SORCS2: variants seen among roughly 807,000 people sequenced by gnomAD.
SORCS2 encodes the protein sortilin related VPS10 domain containing receptor 2, also known as VPS10 domain-containing receptor SorCS2.
Under a neutral mutation model 141.6 loss-of-function variants are expected in SORCS2, and 100 were observed. The ratio of observed to expected loss-of-function variants is 0.71; its 90% CI spans 0.60 to 0.83. The LOEUF (loss-of-function observed/expected upper bound fraction) is 0.83. Among genes scored for constraint, SORCS2 ranks in the 40% least tolerant of loss-of-function variants. SORCS2 has a pLI of 0.00. For missense variants in SORCS2, 1,646 were observed against 1,560.2 expected, an observed-to-expected ratio of 1.05 and a Z score of -0.93; for synonymous variants, 789 against 676.9, an observed-to-expected ratio of 1.17 and a Z score of -2.57.
chr4:7,429,693 G>A (rs867192612), intron 2 of SORCS2, among the ~76,000 whole-genome samples: 1 of 152,198 alleles, frequency 6.6e-6, no homozygotes, highest in Non-Finnish European at 1.5e-5. Flanking sequence ...CCAGGTTAGG[G>A]ATGAGGACCC....
At chr4:7,312,492 C>T (rs1041779434) in intron 1 of SORCS2, among the ~76,000 whole-genome samples, 2 of 152,044 alleles carry the variant, frequency 1.3e-5, no homozygotes, top group Non-Finnish European at 2.9e-5. Flanking sequence ...ATCCTGGCTC[C>T]CCCTTCTCTA....
At chr4:7,328,516 C>G (rs28594605) in intron 1 of SORCS2, among the ~76,000 whole-genome samples, 8,743 of 152,160 alleles carry the variant, frequency 0.057, 443 homozygotes, top group African/African-American at 0.14. Context: ...TTAGTGAGGG[C>G]TCCTTGAGGG....
At chr4:7,261,415 C>G (rs139764253) in intron 1 of SORCS2, among the ~76,000 whole-genome samples, 153 of 152,312 alleles carry the variant, frequency 1.0e-3, no homozygotes, top group Non-Finnish European at 1.8e-3. Context: ...GTTTGTCTGC[C>G]ATGCCTGCGT....
At chr4:7,689,443 C>T in intron 10 of SORCS2, 43 bp from the exon 11 acceptor site, 2 of 1,537,128 alleles carry the variant, frequency 1.3e-6, no homozygotes, top group South Asian at 1.2e-5. Flanking sequence ...TAAGGATGCT[C>T]CTACTCATGT....
chr4:7,202,388 G>A (rs760099460), intron 1 of SORCS2, among the ~76,000 whole-genome samples: 1 of 152,074 alleles, frequency 6.6e-6, no homozygotes, highest in Non-Finnish European at 1.5e-5. Context: ...AAACTCCAGT[G>A]TCCTTTTGAG....
Position 7,638,471 on chromosome 4 carries a change from C to T in SORCS2, c.792C>T (p.Leu264=), listed in dbSNP as rs150055977. The T allele has an allele frequency of 6.1e-4, 989 of 1,609,058 alleles. 7 individuals are homozygous for T. In the African/African-American group the frequency reaches 0.012, roughly 20 times the overall value. The part of the protein sequence containing the change: ...IFHPKEEDKV[L]AYTKESKLYV... ...ACCCTAAGGAGGAGGACAAGGTCCT[C>T]GCCTACACAAAGGAGAGCAAGGTAA... is the stretch of plus-strand genomic sequence containing the variant. Residue 264 remains leucine, a synonymous_variant, in exon 4 of 27, where the codon CTC becomes CTT. Transcript: ENST00000507866.
At chr4:7,508,491 C>A (rs1198457984) in intron 2 of SORCS2, among the ~76,000 whole-genome samples, 1 of 151,764 alleles carries the variant, frequency 6.6e-6, no homozygotes, top group Non-Finnish European at 1.5e-5. Context: ...GCTGGGACTA[C>A]TGGCATCCGC....
At chr4:7,678,589 C>T (rs1417559166) in intron 9 of SORCS2, among the ~76,000 whole-genome samples, 1 of 149,548 alleles carries the variant, frequency 6.7e-6, no homozygotes, top group Non-Finnish European at 1.5e-5. Context: ...CTGGAAGAGG[C>T]TGAGCAGGAG....
chr4:7,325,345 G>A (rs550416308), intron 1 of SORCS2, among the ~76,000 whole-genome samples: 2 of 152,310 alleles, frequency 1.3e-5, no homozygotes, highest in African/African-American at 2.4e-5. Flanking sequence ...TAAATTAAAT[G>A]TTGGCAAAAA....
chr4:7,619,808 G>A (rs1389529189), intron 3 of SORCS2, among the ~76,000 whole-genome samples: 2 of 152,160 alleles, frequency 1.3e-5, no homozygotes, highest in Admixed American at 6.5e-5. Flanking sequence ...GGGAAGGGAC[G>A]GCCTTTAGGA....
chr4:7,724,917 G>T lies in SORCS2; in HGVS notation c.2612-237G>T, dbSNP rs1432922025. 6.5e-3 allele frequency among the ~76,000 whole-genome samples: 224 copies of T among 34,276 alleles called. 24 individuals carry two copies. The highest frequency in any genetic ancestry group is 0.017 in the East Asian group (16 of 964). 22.5% of individuals were successfully genotyped at this position (34,276 alleles called of 152,430 possible). A position where few individuals can be genotyped will look rare whatever the true frequency, so the allele number is the denominator to read the frequency against. On this transcript the variant is annotated intron_variant, in intron 19 of 26. Transcript: ENST00000507866. ...GTGATGGTGGTGATAGTATTGGTGGGAATGGATGGTGGTAGTAGTGGTGAT... is the reference window on the plus strand; with the variant it reads ...GTGATGGTGGTGATAGTATTGGTGGTAATGGATGGTGGTAGTAGTGGTGAT...
At chr4:7,706,912 G>C (rs1338941690) in intron 14 of SORCS2, among the ~76,000 whole-genome samples, 1 of 152,200 alleles carries the variant, frequency 6.6e-6, no homozygotes, top group Non-Finnish European at 1.5e-5. Context: ...TCCCCTGGCT[G>C]CTGTGGCTGG....
At chr4:7,273,833 T>A (rs1484790117) in intron 1 of SORCS2, among the ~76,000 whole-genome samples, 1 of 152,160 alleles carries the variant, frequency 6.6e-6, no homozygotes, top group African/African-American at 2.4e-5. Flanking sequence ...AGGCCATGCC[T>A]CCCTCCCCCA....
intron 1 of SORCS2, among the ~76,000 whole-genome samples, chr4:7,361,913 G>A (rs574674341): frequency 4.6e-5 from 7 of 151,024 alleles, no homozygotes; most frequent in Non-Finnish European, 8.9e-5. Context: ...GGGGGAGGAC[G>A]CGGGGAGGGC....
intron 14 of SORCS2, among the ~76,000 whole-genome samples, chr4:7,705,932 C>T (rs1725401225): frequency 6.6e-6 from 1 of 152,274 alleles, no homozygotes; most frequent in African/African-American, 2.4e-5. Context: ...CTGTGGGGAG[C>T]AGGCCTGGTT....
intron 4 of SORCS2, among the ~76,000 whole-genome samples, chr4:7,646,299 G>C (rs940198180): frequency 4.6e-5 from 7 of 152,266 alleles, no homozygotes; most frequent in Non-Finnish European, 1.0e-4. Context: ...GAGGACTTCA[G>C]GGGTGGGGGT....
intron 3 of SORCS2, among the ~76,000 whole-genome samples, chr4:7,595,349 G>A (rs1438194565): frequency 3.3e-5 from 5 of 152,114 alleles, no homozygotes; most frequent in African/African-American, 4.8e-5. Flanking sequence ...GGGGGTTTGT[G>A]GGGGCTTCAT....
Position 7,326,807 on chromosome 4 carries a change from G to A in SORCS2, c.481-69481G>A, listed in dbSNP as rs542746164. On this transcript the variant is annotated intron_variant, in intron 1 of 26. Transcript: ENST00000507866. The stretch of plus-strand genomic sequence containing the variant: ...CAAGCTTCCGCAGGCCCAGTGTCCG[G>A]GGCAGGAAGCGCTGCCGGCCGGAGG... Among the ~76,000 whole-genome samples, 567 of 124,216 alleles carry A rather than the reference G, an allele frequency of 4.6e-3. 3 individuals are homozygous for A. The highest frequency in any genetic ancestry group is 6.9e-3 in the Non-Finnish European group (399 of 57,528). The allele number at this position is 124,216 out of a possible 152,430, so 81.5% of individuals were successfully genotyped here.
intron 2 of SORCS2, among the ~76,000 whole-genome samples, chr4:7,515,405 C>T (rs551569253): frequency 9.1e-4 from 138 of 152,322 alleles, no homozygotes; most frequent in Non-Finnish European, 1.6e-3. Context: ...GGGCAGGGCA[C>T]TGGAGCAGGT....
Sources: gnomAD v4.1 joint callset for allele counts (sites outside exome capture counted in the v4.1 genomes callset) on GRCh38, gnomAD v4.1.1 for gene constraint, MANE v1.5 for transcripts, NCBI Gene and HGNC (gene_info 2026-07-23, HGNC 2026-07-21) for gene names.